ELP1: variants seen among roughly 807,000 people sequenced by gnomAD.
ELP1 encodes elongator complex protein 1.
In ELP1, 131 loss-of-function variants were observed where a neutral mutation model predicts 183.2. That is an observed-to-expected ratio of 0.72 (90% CI 0.62 to 0.83). The LOEUF (loss-of-function observed/expected upper bound fraction) is 0.83, where lower values mean the gene tolerates loss of function less well. Among genes scored for constraint, ELP1 ranks in the 40% least tolerant of loss-of-function variants. The probability of loss-of-function intolerance (pLI) is 0.00; values close to 1 mark genes in which losing one functional copy is unlikely to be tolerated. For missense variants in ELP1, 1,550 were observed against 1,594.9 expected, an observed-to-expected ratio of 0.97 and a Z score of 0.48; for synonymous variants, 555 against 569.0, an observed-to-expected ratio of 0.98 and a Z score of 0.35.
At chr9:108,925,253 C>A (rs1329171179) in intron 5 of ELP1, among the ~76,000 whole-genome samples, 3 of 152,146 alleles carry the variant, frequency 2.0e-5, no homozygotes, top group African/African-American at 7.2e-5. Context: ...AATGGCTGAT[C>A]AACTATAACT....
intron 29 of ELP1, among the ~76,000 whole-genome samples, chr9:108,884,478 G>A (rs943983917): frequency 2.0e-5 from 3 of 151,884 alleles, no homozygotes; most frequent in Admixed American, 6.6e-5. Context: ...ACAACATTCT[G>A]TAAAACAGAC....
Position 108,877,978 on chromosome 9 carries a change from T to C in ELP1, c.3855+17A>G. 6.2e-7 allele frequency: 1 copy of C among 1,614,070 alleles called. No individual in the cohort carries two copies. The highest frequency in any genetic ancestry group is 8.5e-7 in the Non-Finnish European group (1 of 1,179,950). On this transcript the variant is annotated intron_variant, in intron 35 of 36. Coordinates refer to ENST00000374647, the MANE Select transcript of ELP1 (RefSeq NM_003640.5). ...AAAATGATGAAAAAAATGCACACCG[T>C]CTCTGAGAAAACTTACCGGGGTAGC...
At chr9:108,918,526 C>T (rs1021693360) in intron 8 of ELP1, among the ~76,000 whole-genome samples, 4 of 152,098 alleles carry the variant, frequency 2.6e-5, no homozygotes, top group Non-Finnish European at 5.9e-5. Flanking sequence ...ATATACCCTG[C>T]CTTAAAACCA....
intron 11 of ELP1, 132 bp downstream of exon 11, chr9:108,912,132 A>G: frequency 4.0e-6 from 3 of 750,796 alleles, no homozygotes; most frequent in Non-Finnish European, 7.1e-6. Flanking sequence ...TATCCCATTC[A>G]ATAAAAAAAC....
chr9:108,905,565 G>A (rs1448567388), intron 14 of ELP1, among the ~76,000 whole-genome samples: 1 of 152,120 alleles, frequency 6.6e-6, no homozygotes, highest in East Asian at 1.9e-4. Context: ...ATATAGAAGA[G>A]GAGGCTGGAA....
At chr9:108,905,111 A>T (rs568214016) in intron 14 of ELP1, among the ~76,000 whole-genome samples, 1 of 152,340 alleles carries the variant, frequency 6.6e-6, no homozygotes, top group South Asian at 2.1e-4. Flanking sequence ...GCATTTAGAC[A>T]TGTTAACAAA....
At position 108,878,144 on chromosome 9, in the gene ELP1, C is replaced by A. The variant is rs1299499511; in HGVS notation, c.3706G>T (p.Val1236Leu). Reference protein sequence around the residue: ...VQNTENLKDEVYHILKVLFLF... With the variant: ...VQNTENLKDELYHILKVLFLF... Reference sequence around the variant, plus strand: ...AAGAGTACCTTTAAAATATGGTATACTTCATCTAGAGAGAAGAAATTTGAA... The same window carrying A: ...AAGAGTACCTTTAAAATATGGTATAATTCATCTAGAGAGAAGAAATTTGAA... The change falls in exon 35 of 37, where the codon GTA becomes TTA. Residue 1236 changes from valine to leucine, a missense_variant. Transcript: ENST00000374647. The A allele has an allele frequency of 6.2e-7, 1 of 1,606,346 alleles. No individual in the cohort carries two copies. Among genetic ancestry groups the A allele is most frequent in the African/African-American group, 1.3e-5 (1 of 74,760 alleles).
chr9:108,912,028 C>T (rs1283509221), intron 11 of ELP1, among the ~76,000 whole-genome samples: 1 of 151,994 alleles, frequency 6.6e-6, no homozygotes, highest in Non-Finnish European at 1.5e-5. Context: ...AAAGGCCAGG[C>T]AAGTAAACGT....
In ELP1 at chr9:108,902,932, A is replaced by G; in HGVS notation, c.1761T>C (p.Ser587=). 1 of 1,613,728 alleles carries G rather than the reference A, an allele frequency of 6.2e-7. No individual in the cohort carries two copies. The highest frequency in any genetic ancestry group is 8.5e-7 in the Non-Finnish European group (1 of 1,179,602). ...QIFKYLWESP[S]LAIKPWKNSG... The stretch of plus-strand genomic sequence containing the variant: ...AGTTCTTCCATGGTTTAATAGCCAG[A>G]GAAGGTGACTCTGCAAGATTCACAG... The change falls in exon 16 of 37, where the codon TCT becomes TCC. Residue 587 remains serine (S), a synonymous_variant. Coordinates refer to ENST00000374647, the MANE Select transcript of ELP1 (RefSeq NM_003640.5).
intron 9 of ELP1, among the ~76,000 whole-genome samples, chr9:108,916,843 T>C (rs1829452897): frequency 6.6e-6 from 1 of 152,192 alleles, no homozygotes; most frequent in Admixed American, 6.5e-5. Context: ...GTCTCTCAAC[T>C]TAGGATGTTT....
Position 108,869,032 on chromosome 9 carries a change from G to A in ELP1, c.*83C>T. On this transcript the variant is annotated 3_prime_UTR_variant, in exon 37 of 37. Coordinates refer to ENST00000374647, the MANE Select transcript of ELP1 (RefSeq NM_003640.5). ...TACTCTTTCCAGTTCTCAATAGCCA[G>A]CCCTCAAAGAGCAAGGGGTGGTAGG... 8.5e-7 allele frequency: 1 copy of A among 1,171,048 alleles called. No individual in the cohort carries two copies. The highest frequency in any genetic ancestry group is 1.3e-6 in the Non-Finnish European group (1 of 775,286). 72.5% of individuals were successfully genotyped at this position (1,171,048 alleles called of 1,614,324 possible).
At chr9:108,905,549 T>C (rs1828985945) in intron 14 of ELP1, among the ~76,000 whole-genome samples, 2 of 152,196 alleles carry the variant, frequency 1.3e-5, no homozygotes, top group South Asian at 2.1e-4. Flanking sequence ...AGGTACAAAA[T>C]AGGATATATA....
At chr9:108,919,172 A>G (rs1486168238) in intron 7 of ELP1, 81 bp downstream of exon 7, 5 of 983,034 alleles carry the variant, frequency 5.1e-6, no homozygotes, top group Non-Finnish European at 6.3e-6. Flanking sequence ...ACCCTACTCA[A>G]AGCAAAAGAA....
chr9:108,917,917 G>A (rs193074513), intron 8 of ELP1, among the ~76,000 whole-genome samples: 3 of 152,122 alleles, frequency 2.0e-5, no homozygotes, highest in Admixed American at 1.3e-4. Context: ...GGCTCCATTT[G>A]CCCACAAAAC....
chr9:108,879,936 C>G (rs1035194722), intron 32 of ELP1, 116 bp downstream of exon 32: 1 of 764,778 alleles, frequency 1.3e-6, no homozygotes, highest in Non-Finnish European at 2.3e-6. Context: ...AAGCCTCACA[C>G]TTGCCCATGG....
chr9:108,911,282 C>T (rs1221353967), intron 11 of ELP1, 102 bp from the exon 12 acceptor site: 3 of 1,118,710 alleles, frequency 2.7e-6, no homozygotes, highest in East Asian at 2.5e-5. Context: ...TGGCAATTCA[C>T]AAAAAAATAA....
At chr9:108,917,131 A>G (rs1829465334) in intron 9 of ELP1, among the ~76,000 whole-genome samples, 1 of 152,214 alleles carries the variant, frequency 6.6e-6, no homozygotes, top group South Asian at 2.1e-4. Flanking sequence ...TTTTATTACT[A>G]TTTACTCTAA....
intron 10 of ELP1, among the ~76,000 whole-genome samples, chr9:108,913,011 C>T (rs935317241): frequency 3.9e-5 from 6 of 151,964 alleles, no homozygotes; most frequent in South Asian, 4.2e-4. Context: ...CCGCCTGCCT[C>T]GGCCTCCCAA....
intron 26 of ELP1, 76 bp downstream of exon 26, chr9:108,893,867 A>G (rs1172607893): frequency 4.1e-6 from 6 of 1,464,546 alleles, no homozygotes; most frequent in Non-Finnish European, 5.7e-6. Context: ...TGTCTAAACT[A>G]ACAGTTTAAT....
Sources: gnomAD v4.1 joint callset for allele counts (sites outside exome capture counted in the v4.1 genomes callset) on GRCh38, gnomAD v4.1.1 for gene constraint, MANE v1.5 for transcripts, NCBI Gene and HGNC (gene_info 2026-07-23, HGNC 2026-07-21) for gene names.